Variants in EYS observed in about 807,000 individuals in gnomAD.
EYS encodes the protein protein eyes shut homolog.
EYS carries 250 observed loss-of-function variants against 282.1 expected under a neutral mutation model. The observed-to-expected ratio is 0.89, with a 90% CI of 0.80 to 0.98. The LOEUF (loss-of-function observed/expected upper bound fraction) is 0.98. EYS is among the 50% of genes least tolerant of loss of function. The pLI is 0.00. For missense variants in EYS, 4,016 were observed against 3,709.0 expected, an observed-to-expected ratio of 1.08 and a Z score of -2.15; for synonymous variants, 1,355 against 1,282.9, an observed-to-expected ratio of 1.06 and a Z score of -1.20.
chr6:65,365,818 G>A (rs1764895360), intron 8 of EYS, among the ~76,000 whole-genome samples: 1 of 151,682 alleles, frequency 6.6e-6, no homozygotes, highest in Middle Eastern at 3.2e-3. Context: ...TAATACCCGT[G>A]ATTACATCTG....
chr6:64,983,607 T>C (rs1770754481), intron 14 of EYS, among the ~76,000 whole-genome samples: 1 of 151,372 alleles, frequency 6.6e-6, no homozygotes, highest in Non-Finnish European at 1.5e-5. Flanking sequence ...ATAAAGCCCA[T>C]TTAAGGATTT....
chr6:64,888,416 A>T (rs1767167347), intron 18 of EYS, among the ~76,000 whole-genome samples: 2 of 152,060 alleles, frequency 1.3e-5, no homozygotes, highest in Non-Finnish European at 2.9e-5. Flanking sequence ...CAATGTATTC[A>T]TGTATCAAAA....
intron 29 of EYS, among the ~76,000 whole-genome samples, chr6:64,374,173 G>A (rs1288035151): frequency 6.8e-6 from 1 of 147,200 alleles, no homozygotes; most frequent in African/African-American, 2.5e-5. Context: ...CCTTTGGTAG[G>A]GTTGGCGGGG....
intron 30 of EYS, among the ~76,000 whole-genome samples, chr6:64,251,857 G>T (rs1767229372): frequency 6.6e-6 from 1 of 152,060 alleles, no homozygotes; most frequent in South Asian, 2.1e-4. Flanking sequence ...CCAAAAGGAA[G>T]AAATTAAGTC....
chr6:65,167,744 C>T (rs1430010708), intron 12 of EYS, among the ~76,000 whole-genome samples: 1 of 151,244 alleles, frequency 6.6e-6, no homozygotes, highest in East Asian at 2.0e-4. Context: ...ATCACTGTGT[C>T]TTTTGGGATT....
chr6:63,816,199 C>A (rs532466996), intron 36 of EYS, among the ~76,000 whole-genome samples: 2 of 152,206 alleles, frequency 1.3e-5, no homozygotes, highest in Non-Finnish European at 2.9e-5. Context: ...ATATTGAGTA[C>A]TATTTTTAAT....
intron 26 of EYS, among the ~76,000 whole-genome samples, chr6:64,566,653 G>T (rs1765575210): frequency 6.6e-6 from 1 of 151,962 alleles, no homozygotes; most frequent in Non-Finnish European, 1.5e-5. Flanking sequence ...GTCCACCTAA[G>T]GCTTGAAGTT....
intron 26 of EYS, among the ~76,000 whole-genome samples, chr6:64,483,970 G>T (rs1052867550): frequency 6.6e-6 from 1 of 151,624 alleles, no homozygotes; most frequent in Non-Finnish European, 1.5e-5. Flanking sequence ...CAACACTTTT[G>T]TAGGTGGGCA....
chr6:65,315,258 T>C (rs1032192048), intron 11 of EYS, among the ~76,000 whole-genome samples: 2 of 152,280 alleles, frequency 1.3e-5, no homozygotes. Flanking sequence ...AATACCATGA[T>C]AGGGTGAAAG....
intron 22 of EYS, among the ~76,000 whole-genome samples, chr6:64,668,650 G>C (rs940412365): frequency 6.8e-6 from 1 of 147,896 alleles, no homozygotes; most frequent in Non-Finnish European, 1.5e-5. Context: ...CCGCAAGCTC[G>C]GCCTTCTGGG....
At chr6:65,198,316 G>T (rs1165355672) in intron 12 of EYS, among the ~76,000 whole-genome samples, 1 of 152,084 alleles carries the variant, frequency 6.6e-6, no homozygotes, top group East Asian at 1.9e-4. Flanking sequence ...TCTGCCTGAG[G>T]TTGTTTTATG....
intron 35 of EYS, among the ~76,000 whole-genome samples, chr6:63,953,758 TCTCAA>T (rs1192371876): frequency 1.3e-5 from 2 of 151,990 alleles, no homozygotes; most frequent in Non-Finnish European, 2.9e-5. Context: ...CCCTAACTCA[TCTCAA>T]CTCTTTTCAT....
At chr6:64,160,032 G>C (rs1481538067) in intron 31 of EYS, among the ~76,000 whole-genome samples, 2 of 152,098 alleles carry the variant, frequency 1.3e-5, no homozygotes, top group African/African-American at 4.8e-5. Flanking sequence ...ACTTTCTAAA[G>C]GCCCCAGAGT....
chr6:64,647,025 A>AT (rs1004073471), intron 22 of EYS, among the ~76,000 whole-genome samples: 4 of 152,138 alleles, frequency 2.6e-5, no homozygotes, highest in African/African-American at 4.8e-5. Context: ...GGTAAAGTTG[A>AT]TTTTTTTCTA....
At chr6:65,291,512 G>A (rs1253397543) in intron 12 of EYS, among the ~76,000 whole-genome samples, 1 of 151,262 alleles carries the variant, frequency 6.6e-6, no homozygotes, top group Non-Finnish European at 1.5e-5. Context: ...ATACACTGAT[G>A]GTCAACATTC....
intron 26 of EYS, among the ~76,000 whole-genome samples, chr6:64,551,837 T>A (rs1765093421): frequency 6.6e-6 from 1 of 152,222 alleles, no homozygotes; most frequent in Admixed American, 6.5e-5. Context: ...TGTAAAAGTG[T>A]TCCTATTTCT....
chr6:64,894,978 A>G lies in EYS; in HGVS notation c.2846+7135T>C, dbSNP rs533918265. Among the ~76,000 whole-genome samples, 3 of 152,294 alleles carry G rather than the reference A, an allele frequency of 2.0e-5. No individual in the cohort carries two copies. The South Asian group carries it at 6.2e-4, about 32-fold the overall frequency. Reference sequence around the variant, plus strand: ...AAGAGCTATTATGGAGGAAAATCCAATTGGAAGATCTTGTCATGCCCCTTT... The same window carrying G: ...AAGAGCTATTATGGAGGAAAATCCAGTTGGAAGATCTTGTCATGCCCCTTT... On this transcript the variant is annotated intron_variant, in intron 18 of 42. Coordinates refer to ENST00000503581, the MANE Select transcript of EYS (RefSeq NM_001142800.2).
At chr6:64,715,603 G>A (rs143807623) in intron 22 of EYS, among the ~76,000 whole-genome samples, 28 of 152,302 alleles carry the variant, frequency 1.8e-4, no homozygotes, top group African/African-American at 6.7e-4. Flanking sequence ...GTTTTCTGTG[G>A]CTGGGAAGTA....
intron 2 of EYS, among the ~76,000 whole-genome samples, chr6:65,582,202 T>C (rs1289963167): frequency 8.3e-6 from 1 of 120,758 alleles, no homozygotes; most frequent in Non-Finnish European, 1.5e-5. Context: ...TCTCAACAAA[T>C]AAATAAATAA....
Sources: gnomAD v4.1 joint callset for allele counts (sites outside exome capture counted in the v4.1 genomes callset) on GRCh38, gnomAD v4.1.1 for gene constraint, MANE v1.5 for transcripts, NCBI Gene and HGNC (gene_info 2026-07-23, HGNC 2026-07-21) for gene names.